Variants in PSMA1 observed in about 807,000 individuals in gnomAD.
PSMA1 encodes the protein proteasome subunit alpha type-1.
In PSMA1, 3 loss-of-function variants were observed where a neutral mutation model predicts 38.4. That is an observed-to-expected ratio of 0.08 (90% CI 0.04 to 0.20). PSMA1 has a LOEUF of 0.20. PSMA1 is among the 10% of genes least tolerant of loss of function. The pLI is 1.00. For missense variants in PSMA1, 227 were observed against 325.3 expected, an observed-to-expected ratio of 0.70 and a Z score of 2.32; for synonymous variants, 101 against 107.1, an observed-to-expected ratio of 0.94 and a Z score of 0.35.
At chr11:14,633,577 C>A (rs370796568) in intron 1 of PSMA1, among the ~76,000 whole-genome samples, 1 of 152,222 alleles carries the variant, frequency 6.6e-6, no homozygotes, top group African/African-American at 2.4e-5. Context: ...TGCAGAGGTT[C>A]CTGCTGTCTT....
chr11:14,598,324 A>T (rs1852529071), intron 2 of PSMA1, among the ~76,000 whole-genome samples: 1 of 152,126 alleles, frequency 6.6e-6, no homozygotes, highest in Non-Finnish European at 1.5e-5. Context: ...TGTTTTGTTG[A>T]TCTGTCTAAT....
intron 2 of PSMA1, among the ~76,000 whole-genome samples, chr11:14,600,216 G>C (rs934193085): frequency 6.6e-6 from 1 of 152,214 alleles, no homozygotes; most frequent in Non-Finnish European, 1.5e-5. Flanking sequence ...ATCCACTTGA[G>C]GAGGCAGTCT....
chr11:14,555,253 A>G (rs1166483094), intron 2 of PSMA1, among the ~76,000 whole-genome samples: 1 of 152,214 alleles, frequency 6.6e-6, no homozygotes, highest in Admixed American at 6.5e-5. Context: ...TTCCCACTTT[A>G]TGCTTGCTGC....
Position 14,633,006 on chromosome 11 carries a change from C to G in PSMA1, c.-166+10449G>C, listed in dbSNP as rs1253367743. On this transcript the variant is annotated intron_variant, in intron 1 of 10. Coordinates refer to the PSMA1 transcript ENST00000418988. ...GCTCCATCAGCTCCTTTAAGCACTT[C>G]TCTGTATTGGTTATTCTAGTTATAC... 2.0e-5 allele frequency among the ~76,000 whole-genome samples: 3 copies of G among 149,428 alleles called. No individual in the cohort carries two copies. The East Asian group carries it at 6.0e-4, about 30-fold the overall frequency.
intron 2 of PSMA1, among the ~76,000 whole-genome samples, chr11:14,539,705 CG>C (rs1179728150): frequency 6.6e-6 from 1 of 151,884 alleles, no homozygotes; most frequent in Non-Finnish European, 1.5e-5. Context: ...CAGAATTAGC[CG>C]GGCGTGGTGG....
chr11:14,610,501 CAT>C (rs1035815047), intron 2 of PSMA1, among the ~76,000 whole-genome samples: 4 of 152,206 alleles, frequency 2.6e-5, no homozygotes, highest in Non-Finnish European at 4.4e-5. Flanking sequence ...GCTTTGGAAA[CAT>C]GTACTCCTTT....
At chr11:14,567,237 C>T (rs11023255) in intron 2 of PSMA1, among the ~76,000 whole-genome samples, 79 of 152,288 alleles carry the variant, frequency 5.2e-4, no homozygotes, top group Non-Finnish European at 9.9e-4. Context: ...CACTTTGGTG[C>T]CTCAAGAGAT....
At chr11:14,597,886 A>G (rs911960026) in intron 2 of PSMA1, among the ~76,000 whole-genome samples, 1 of 152,108 alleles carries the variant, frequency 6.6e-6, no homozygotes, top group Non-Finnish European at 1.5e-5. Flanking sequence ...GTGGGCATTT[A>G]GTGCTATATA....
intron 2 of PSMA1, among the ~76,000 whole-genome samples, chr11:14,605,553 CTTTG>C (rs1176087384): frequency 4.0e-5 from 6 of 151,866 alleles, no homozygotes; most frequent in Non-Finnish European, 7.4e-5. Flanking sequence ...CTGGCGCTAA[CTTTG>C]TTTATTTTTT....
At position 14,513,496 on chromosome 11, in the gene PSMA1, G is replaced by A. The variant is rs1255945587; in HGVS notation, c.544+74C>T. The stretch of plus-strand genomic sequence containing the variant: ...AAGACTTACAGTTTTATGCATTTAG[G>A]ATACTATGTTTATTTACTATATAGA... On this transcript the variant is annotated intron_variant, in intron 7 of 9. Coordinates refer to ENST00000396394, the MANE Select transcript of PSMA1 (RefSeq NM_002786.4). The A allele has an allele frequency of 2.4e-6, 3 of 1,257,296 alleles. No homozygotes were observed. The African/African-American group carries it at 5.0e-5, about 21-fold the overall frequency. The allele number at this position is 1,257,296 out of a possible 1,614,324, so 77.9% of individuals were successfully genotyped here.
chr11:14,583,941 C>T (rs1308439236), intron 2 of PSMA1, among the ~76,000 whole-genome samples: 3 of 152,160 alleles, frequency 2.0e-5, no homozygotes, highest in South Asian at 4.1e-4. Flanking sequence ...GGCTCATACC[C>T]TCCTACCCTA....
chr11:14,599,313 G>A (rs1348646413), intron 2 of PSMA1, among the ~76,000 whole-genome samples: 8 of 152,222 alleles, frequency 5.3e-5, no homozygotes, highest in African/African-American at 1.9e-4. Context: ...AGTTCTCCTG[G>A]ATAATATCCT....
intron 8 of PSMA1, among the ~76,000 whole-genome samples, chr11:14,509,114 CT>C (rs1298693180): frequency 6.6e-6 from 1 of 152,198 alleles, no homozygotes; most frequent in Non-Finnish European, 1.5e-5. Context: ...TTGCTTATAA[CT>C]GCTTACTCTG....
At chr11:14,608,788 T>C (rs560044339) in intron 2 of PSMA1, among the ~76,000 whole-genome samples, 152 of 150,402 alleles carry the variant, frequency 1.0e-3, no homozygotes, top group African/African-American at 3.6e-3. Context: ...CATCTGAATA[T>C]AGACTTCTTC....
chr11:14,579,934 T>C (rs761183514), intron 2 of PSMA1, among the ~76,000 whole-genome samples: 2 of 152,186 alleles, frequency 1.3e-5, no homozygotes, highest in Non-Finnish European at 2.9e-5. Flanking sequence ...AGAGGGAACT[T>C]CAAGGTACAC....
At chr11:14,584,412 C>T (rs1002600371) in intron 2 of PSMA1, among the ~76,000 whole-genome samples, 2 of 151,824 alleles carry the variant, frequency 1.3e-5, no homozygotes, top group African/African-American at 2.4e-5. Context: ...GAAGATACCA[C>T]ATTTAGCCTC....
At chr11:14,548,425 T>C (rs1851851260) in intron 2 of PSMA1, among the ~76,000 whole-genome samples, 1 of 152,172 alleles carries the variant, frequency 6.6e-6, no homozygotes, top group South Asian at 2.1e-4. Flanking sequence ...GGTGTGTGTG[T>C]GTGTGCATGT....
At chr11:14,630,822 G>A (rs1348853943) in intron 1 of PSMA1, among the ~76,000 whole-genome samples, 1 of 152,052 alleles carries the variant, frequency 6.6e-6, no homozygotes, top group African/African-American at 2.4e-5. Flanking sequence ...GTAAGCTATT[G>A]ATTATTGCCA....
At chr11:14,590,082 T>A (rs1852392861) in intron 2 of PSMA1, among the ~76,000 whole-genome samples, 1 of 152,162 alleles carries the variant, frequency 6.6e-6, no homozygotes, top group Non-Finnish European at 1.5e-5. Flanking sequence ...ACAAATGAAA[T>A]AAGCCAGGCA....
Sources: allele counts gnomAD v4.1 joint callset (sites outside exome capture counted in the v4.1 genomes callset), GRCh38; gene constraint gnomAD v4.1.1; transcripts MANE v1.5; gene names NCBI Gene and HGNC (gene_info 2026-07-23, HGNC 2026-07-21).